The following MECOM variants were observed in gnomAD, a reference collection of about 807,000 sequenced individuals.
The protein encoded by MECOM is histone-lysine N-methyltransferase MECOM.
Under a neutral mutation model 116.3 loss-of-function variants are expected in MECOM, and 13 were observed. The observed-to-expected ratio is 0.11, with a 90% CI of 0.07 to 0.18. MECOM has a LOEUF of 0.18. Among genes scored for constraint, MECOM ranks in the 10% least tolerant of loss-of-function variants. MECOM has a pLI of 1.00. For synonymous variants in MECOM, 528 were observed against 535.2 expected, an observed-to-expected ratio of 0.99 and a Z score of 0.19; for missense variants, 1,299 against 1,509.0, an observed-to-expected ratio of 0.86 and a Z score of 2.31.
chr3:169,413,856 G>A (rs889789525), intron 1 of MECOM, among the ~76,000 whole-genome samples: 6 of 152,330 alleles, frequency 3.9e-5, no homozygotes, highest in Admixed American at 2.0e-4. Context: ...CTCTGGGCAA[G>A]CCATCTCTGA....
intron 1 of MECOM, among the ~76,000 whole-genome samples, chr3:169,408,651 A>G (rs994150158): frequency 6.6e-5 from 10 of 152,116 alleles, no homozygotes; most frequent in African/African-American, 2.2e-4. Context: ...CCACAGTACT[A>G]TTATTTATTC....
At chr3:169,128,838 A>C (rs1733744753) in intron 4 of MECOM, among the ~76,000 whole-genome samples, 1 of 152,198 alleles carries the variant, frequency 6.6e-6, no homozygotes, top group Non-Finnish European at 1.5e-5. Flanking sequence ...CAAGGTTATA[A>C]AATGTCAGGT....
At chr3:169,353,461 A>G (rs184273955) in intron 2 of MECOM, among the ~76,000 whole-genome samples, 1 of 151,938 alleles carries the variant, frequency 6.6e-6, no homozygotes, top group African/African-American at 2.4e-5. Flanking sequence ...AATGTTTCCA[A>G]ATGGAGGACA....
intron 1 of MECOM, among the ~76,000 whole-genome samples, chr3:169,594,794 T>A (rs1766934397): frequency 6.7e-6 from 1 of 148,814 alleles, no homozygotes; most frequent in East Asian, 2.0e-4. Context: ...TACCAACATG[T>A]TAAAACAACA....
chr3:169,591,739 A>G (rs573020622), intron 1 of MECOM, among the ~76,000 whole-genome samples: 1 of 152,230 alleles, frequency 6.6e-6, no homozygotes, highest in Non-Finnish European at 1.5e-5. Flanking sequence ...GAAACCTGTT[A>G]TAATATGTAG....
intron 2 of MECOM, among the ~76,000 whole-genome samples, chr3:169,339,686 A>G (rs1241548867): frequency 6.6e-6 from 1 of 152,188 alleles, no homozygotes; most frequent in Non-Finnish European, 1.5e-5. Flanking sequence ...GCACTGGTCT[A>G]GTGAATATTT....
Position 169,108,064 on chromosome 3 carries a change from C to A in MECOM, c.2578-112G>T, listed in dbSNP as rs999943531. The A allele has an allele frequency of 3.7e-6, 3 of 801,744 alleles. No individual in the cohort carries two copies. In the African/African-American group the frequency reaches 5.2e-5, roughly 14 times the overall value. The allele number at this position is 801,744 out of a possible 1,614,324, so 49.7% of individuals were successfully genotyped here. On this transcript the variant is annotated intron_variant, in intron 9 of 16. Transcript: ENST00000651503. ...TACTAACTTAGTAATTTTTGCTTATCATGTAACTGTACCTTGAGTAAAAGC... is the reference window on the plus strand; with the variant it reads ...TACTAACTTAGTAATTTTTGCTTATAATGTAACTGTACCTTGAGTAAAAGC...
intron 1 of MECOM, among the ~76,000 whole-genome samples, chr3:169,438,194 T>C (rs555682085): frequency 1.3e-5 from 2 of 152,196 alleles, no homozygotes; most frequent in Non-Finnish European, 2.9e-5. Context: ...ACCTTCTCAC[T>C]CTGGGCTTCA....
intron 2 of MECOM, among the ~76,000 whole-genome samples, chr3:169,196,641 T>C (rs1446374425): frequency 6.6e-6 from 1 of 152,006 alleles, no homozygotes; most frequent in Non-Finnish European, 1.5e-5. Flanking sequence ...TCTAAATGGC[T>C]ATTATTAAAA....
intron 2 of MECOM, among the ~76,000 whole-genome samples, chr3:169,330,035 A>AT (rs890715381): frequency 6.0e-5 from 9 of 150,964 alleles, no homozygotes; most frequent in South Asian, 2.1e-4. Context: ...GTGGATTTTT[A>AT]TTTTTTTTTA....
intron 2 of MECOM, among the ~76,000 whole-genome samples, chr3:169,279,833 T>C (rs1711548102): frequency 6.6e-6 from 1 of 152,210 alleles, no homozygotes; most frequent in Admixed American, 6.5e-5. Flanking sequence ...AACAGAACAG[T>C]CTTACTGCCC....
At chr3:169,382,225 G>A (rs1732509293) in intron 1 of MECOM, among the ~76,000 whole-genome samples, 2 of 152,152 alleles carry the variant, frequency 1.3e-5, no homozygotes, top group Admixed American at 1.3e-4. Context: ...GGGAAAGGGA[G>A]AGGAAGGGTC....
intron 1 of MECOM, among the ~76,000 whole-genome samples, chr3:169,503,700 T>C (rs989296091): frequency 5.3e-5 from 8 of 152,028 alleles, no homozygotes; most frequent in Admixed American, 2.0e-4. Context: ...TACAACCCAA[T>C]AGTGAAAGCA....
chr3:169,533,003 T>A (rs1437540630), intron 1 of MECOM, among the ~76,000 whole-genome samples: 1 of 152,190 alleles, frequency 6.6e-6, no homozygotes, highest in East Asian at 1.9e-4. Context: ...GAAGAATACA[T>A]AAAAATGTGA....
chr3:169,556,496 A>C (rs138985510), intron 1 of MECOM, among the ~76,000 whole-genome samples: 1 of 152,306 alleles, frequency 6.6e-6, no homozygotes, highest in East Asian at 1.9e-4. Flanking sequence ...AATTTACTGA[A>C]AGGGGTTGTG....
intron 1 of MECOM, among the ~76,000 whole-genome samples, chr3:169,603,478 T>C (rs775596981): frequency 9.9e-5 from 15 of 152,278 alleles, no homozygotes; most frequent in Non-Finnish European, 1.9e-4. Context: ...AAGTGTACAG[T>C]GTTTATAAAG....
At chr3:169,400,349 G>C (rs1735683016) in intron 1 of MECOM, among the ~76,000 whole-genome samples, 1 of 152,184 alleles carries the variant, frequency 6.6e-6, no homozygotes, top group Non-Finnish European at 1.5e-5. Flanking sequence ...TGTTTACCTA[G>C]AAAAGTCATC....
chr3:169,142,673 G>T (rs531248270), intron 3 of MECOM, among the ~76,000 whole-genome samples: 35 of 151,918 alleles, frequency 2.3e-4, no homozygotes, highest in Non-Finnish European at 4.3e-4. Flanking sequence ...CTCTTACACC[G>T]TTTAGTCAGT....
intron 2 of MECOM, among the ~76,000 whole-genome samples, chr3:169,172,868 T>C (rs533739213): frequency 2.6e-5 from 4 of 152,128 alleles, no homozygotes; most frequent in Admixed American, 2.0e-4. Flanking sequence ...AGGAGAAAAA[T>C]AAGGTCCCAA....
Sources: allele counts gnomAD v4.1 joint callset (sites outside exome capture counted in the v4.1 genomes callset), GRCh38; gene constraint gnomAD v4.1.1; transcripts MANE v1.5; gene names NCBI Gene and HGNC (gene_info 2026-07-23, HGNC 2026-07-21).